Variants in TMX3 observed in about 807,000 individuals in gnomAD.
The protein encoded by TMX3 is protein disulfide-isomerase TMX3.
A neutral mutation model predicts 64.4 loss-of-function variants in TMX3; 40 were observed. The observed-to-expected ratio is 0.62, with a 90% CI of 0.48 to 0.81. TMX3 has a LOEUF of 0.81. Among genes scored for constraint, TMX3 ranks in the 30% least tolerant of loss-of-function variants. The probability of loss-of-function intolerance (pLI) is 0.00; values close to 1 mark genes in which losing one functional copy is unlikely to be tolerated. For missense variants in TMX3, 497 were observed against 534.5 expected (o/e 0.93, Z 0.69); for synonymous variants, 189 against 175.7 (o/e 1.08, Z -0.60).
intron 12 of TMX3, 44 bp from the exon 13 acceptor site, chr18:68,683,025 G>T: frequency 6.4e-7 from 1 of 1,560,262 alleles, no homozygotes; most frequent in Non-Finnish European, 8.8e-7. Context: ...AGGAGAGGGG[G>T]TGGGGGGAGA....
At position 68,701,468 on chromosome 18, in the gene TMX3, A is replaced by G. The variant is rs150332182; in HGVS notation, c.311+277T>C. The stretch of plus-strand genomic sequence containing the variant: ...CCACACTTGAACTCCTCAAGGGTAA[A>G]AGACCTTTCATAATTTATGACTGTA... On this transcript the variant is annotated intron_variant, in intron 5 of 15. Coordinates refer to ENST00000299608, the MANE Select transcript of TMX3 (RefSeq NM_019022.5). 1.5e-3 allele frequency: 718 copies of G among 464,172 alleles called. 4 individuals carry two copies. The highest frequency in any genetic ancestry group is 0.013 in the African/African-American group (667 of 50,248). The allele number at this position is 464,172 out of a possible 1,614,324, so 28.8% of individuals were successfully genotyped here. A position where few individuals can be genotyped will look rare whatever the true frequency, so the allele number is the denominator to read the frequency against.
At chr18:68,704,502 G>T (rs961399114) in intron 4 of TMX3, among the ~76,000 whole-genome samples, 1 of 152,014 alleles carries the variant, frequency 6.6e-6, no homozygotes, top group Non-Finnish European at 1.5e-5. Flanking sequence ...AGAAAAAAAG[G>T]TAATTCAGAT....
At chr18:68,680,871 A>G (rs1406852581) in intron 14 of TMX3, 110 bp downstream of exon 14, 2 of 1,093,326 alleles carry the variant, frequency 1.8e-6, no homozygotes, top group East Asian at 2.7e-5. Flanking sequence ...CCAGCCCTCT[A>G]CTCCGGGTGA....
At chr18:68,708,240 C>T (rs1234101544) in intron 4 of TMX3, among the ~76,000 whole-genome samples, 2 of 152,040 alleles carry the variant, frequency 1.3e-5, no homozygotes, top group African/African-American at 4.8e-5. Flanking sequence ...TTTATCTCTT[C>T]TCCTCTCAAA....
rs539176711 is a variant in TMX3 at position 68,681,583 on chromosome 18, C to T, written c.906-473G>A. 1.4e-5 allele frequency: 14 copies of T among 985,312 alleles called. No individual in the cohort carries two copies. The African/African-American group carries it at 1.7e-4, about 12-fold the overall frequency. 61.0% of individuals were successfully genotyped at this position (985,312 alleles called of 1,614,324 possible). A position where few individuals can be genotyped will look rare whatever the true frequency, so the allele number is the denominator to read the frequency against. ...GGATAATAAATGAAGTAAGGTGATG[C>T]TACATTTCAAGATTTAGCTGAAGAT... is the stretch of plus-strand genomic sequence containing the variant. On this transcript the variant is annotated intron_variant, in intron 13 of 15. Transcript: ENST00000299608.
intron 7 of TMX3, 109 bp downstream of exon 7, chr18:68,697,823 A>C (rs1775453764): frequency 3.1e-6 from 2 of 635,906 alleles, no homozygotes; most frequent in Admixed American, 6.2e-5. Context: ...GAATGAAAAT[A>C]TTTCCAGTAA....
rs1034263308 is a variant in TMX3 at position 68,675,900 on chromosome 18, T to C, written c.*1033A>G. ...ACCGGATGTGACTTGTCACTGGACATGCTAATGTCAGTCGTTACTCCTTAT... is the reference window on the plus strand; with the variant it reads ...ACCGGATGTGACTTGTCACTGGACACGCTAATGTCAGTCGTTACTCCTTAT... On this transcript the variant is annotated 3_prime_UTR_variant, in exon 16 of 16. Coordinates refer to ENST00000299608, the MANE Select transcript of TMX3 (RefSeq NM_019022.5). The C allele has an allele frequency of 1.3e-5, 2 of 152,118 alleles. No homozygotes were observed. Among genetic ancestry groups the C allele is most frequent in the Non-Finnish European group, 2.9e-5 (2 of 68,028 alleles). The allele number at this position is 152,118 out of a possible 1,614,324, so 9.4% of individuals were successfully genotyped here. A position where few individuals can be genotyped will look rare whatever the true frequency, so the allele number is the denominator to read the frequency against.
intron 14 of TMX3, among the ~76,000 whole-genome samples, chr18:68,679,787 T>C (rs1304363387): frequency 6.6e-6 from 1 of 152,118 alleles, no homozygotes; most frequent in Non-Finnish European, 1.5e-5. Flanking sequence ...CCCACACAGC[T>C]TGGCTGAAGC....
At chr18:68,678,420 A>C (rs1273883099) in intron 15 of TMX3, among the ~76,000 whole-genome samples, 2 of 152,064 alleles carry the variant, frequency 1.3e-5, no homozygotes, top group Non-Finnish European at 1.5e-5. Flanking sequence ...ATTTCGTAAG[A>C]GTGTCAAGCG....
intron 8 of TMX3, among the ~76,000 whole-genome samples, chr18:68,693,797 C>T (rs1424513998): frequency 1.3e-5 from 2 of 152,070 alleles, no homozygotes; most frequent in African/African-American, 4.8e-5. Context: ...GCCTGGGGGC[C>T]AGGCTACTAG....
At chr18:68,695,467 T>TATGAC (rs1914970176) in intron 8 of TMX3, among the ~76,000 whole-genome samples, 1 of 152,206 alleles carries the variant, frequency 6.6e-6, no homozygotes, top group Admixed American at 6.5e-5. Context: ...AGATTCCTAA[T>TATGAC]ATGACATGCT....
intron 10 of TMX3, chr18:68,686,838 A>C (rs930512543): frequency 3.6e-5 from 35 of 985,410 alleles, no homozygotes; most frequent in Middle Eastern, 5.2e-4. Context: ...CAGAACATTA[A>C]AAGCAAGCTC....
At chr18:68,695,283 G>A (rs1216346326) in intron 8 of TMX3, among the ~76,000 whole-genome samples, 2 of 152,086 alleles carry the variant, frequency 1.3e-5, no homozygotes, top group Non-Finnish European at 2.9e-5. Flanking sequence ...TTGGCTTCCA[G>A]CTCATCTCTT....
chr18:68,684,535 C>T (rs1242274639), intron 10 of TMX3, 50 bp from the exon 11 acceptor site: 12 of 1,486,546 alleles, frequency 8.1e-6, no homozygotes, highest in Non-Finnish European at 1.1e-5. Context: ...ATTACACAAA[C>T]TGTTCAATTA....
intron 2 of TMX3, among the ~76,000 whole-genome samples, chr18:68,713,260 A>G (rs192093368): frequency 3.0e-4 from 46 of 152,316 alleles, no homozygotes; most frequent in Admixed American, 2.4e-3. Flanking sequence ...TGAGGTCCCA[A>G]TAAGGAGGCT....
At chr18:68,688,067 A>T (rs1253457759) in intron 9 of TMX3, 1 of 185,282 alleles carries the variant, frequency 5.4e-6, no homozygotes, top group East Asian at 1.4e-4. Context: ...AAGATCATTT[A>T]TAAATTTTCA....
chr18:68,709,652 G>A (rs17079601), intron 4 of TMX3, among the ~76,000 whole-genome samples: 14,629 of 151,834 alleles, frequency 0.096, 2,026 homozygotes, highest in African/African-American at 0.31. Context: ...AACTCAATTC[G>A]TCCTTTAAGT....
intron 12 of TMX3, among the ~76,000 whole-genome samples, chr18:68,683,815 A>G (rs1248405351): frequency 6.6e-6 from 1 of 152,174 alleles, no homozygotes; most frequent in East Asian, 1.9e-4. Flanking sequence ...CCATGGTCTG[A>G]AAATATTAAA....
At chr18:68,677,239 G>A (rs2144999363) in intron 15 of TMX3, 46 bp from the exon 16 acceptor site, 1 of 1,561,892 alleles carries the variant, frequency 6.4e-7, no homozygotes, top group Non-Finnish European at 8.7e-7. Flanking sequence ...ATGTAATTCT[G>A]ATATATATAG....
Sources: allele counts gnomAD v4.1 joint callset (sites outside exome capture counted in the v4.1 genomes callset), GRCh38; gene constraint gnomAD v4.1.1; transcripts MANE v1.5; gene names NCBI Gene and HGNC (gene_info 2026-07-23, HGNC 2026-07-21).